The following CHRDL2 variants were observed in gnomAD, a reference collection of about 807,000 sequenced individuals.
CHRDL2 encodes the protein chordin like 2.
In CHRDL2, 41 loss-of-function variants were observed where a neutral mutation model predicts 54.3. The observed-to-expected ratio is 0.76, with a 90% CI of 0.59 to 0.98. CHRDL2 has a LOEUF of 0.98. Ranked by LOEUF, CHRDL2 falls within the 50% of genes least tolerant of loss-of-function variation. The pLI is 0.00. For synonymous variants in CHRDL2, 220 were observed against 224.3 expected (o/e 0.98, Z 0.17); for missense variants, 518 against 562.4 (o/e 0.92, Z 0.80).
rs564184604 is a variant in CHRDL2 at position 74,701,800 on chromosome 11, CCACCCCG to C, written c.1120+987_1120+993del. 9.9e-5 allele frequency among the ~76,000 whole-genome samples: 15 copies of C among 152,258 alleles called. No homozygotes were observed. The East Asian group carries it at 2.3e-3, about 23-fold the overall frequency. ...CTTATCATCATTCCCTCTTCCACCC[CCACCCCG>C]CCAGCCAAAACCATCAGTAGAGGAA... On this transcript the variant is annotated intron_variant, in intron 9 of 10. Coordinates refer to ENST00000376332, the MANE Select transcript of CHRDL2 (RefSeq NM_001278473.3).
At chr11:74,720,919 T>G (rs1451507651) in intron 1 of CHRDL2, among the ~76,000 whole-genome samples, 1 of 152,194 alleles carries the variant, frequency 6.6e-6, no homozygotes, top group Non-Finnish European at 1.5e-5. Context: ...TCTGCCCTCT[T>G]GGGCCTCCTA....
At chr11:74,725,254 G>T (rs138574459) in intron 1 of CHRDL2, among the ~76,000 whole-genome samples, 1 of 152,028 alleles carries the variant, frequency 6.6e-6, no homozygotes, top group Admixed American at 6.5e-5. Flanking sequence ...GCCTCCCAAA[G>T]GGCTGGGATT....
In CHRDL2 at chr11:74,708,339, G is replaced by A; in HGVS notation, c.489C>T (p.Pro163=). 2 of 1,581,538 alleles carry A rather than the reference G, an allele frequency of 1.3e-6. No individual in the cohort carries two copies. The highest frequency in any genetic ancestry group is 8.6e-7 in the Non-Finnish European group (1 of 1,167,804). The change falls in exon 5 of 11, where the codon CCC becomes CCT. Residue 163 remains proline (P), a synonymous_variant. Coordinates refer to ENST00000376332, the MANE Select transcript of CHRDL2 (RefSeq NM_001278473.3). ...TTCPEPGCPA[P]LPLPDSCCQA... is the part of the protein sequence containing the mutation. Reference sequence around the variant, plus strand: ...GGCAGCAGGAGTCTGGCAGCGGGAGGGGTGCTGGGCAGCCTGGTTCGGGGC... The same window carrying A: ...GGCAGCAGGAGTCTGGCAGCGGGAGAGGTGCTGGGCAGCCTGGTTCGGGGC...
chr11:74,702,156 T>C (rs1346841807), intron 9 of CHRDL2, among the ~76,000 whole-genome samples: 1 of 151,516 alleles, frequency 6.6e-6, no homozygotes, highest in Non-Finnish European at 1.5e-5. Flanking sequence ...CTCAGGAGGC[T>C]GAGATGGGAG....
In CHRDL2 at chr11:74,706,507, C is replaced by T; in HGVS notation, c.562G>A (p.Val188Met). 6.2e-7 allele frequency: 1 copy of T among 1,614,128 alleles called. No individual in the cohort carries two copies. Among genetic ancestry groups the T allele is most frequent in the Non-Finnish European group, 8.5e-7 (1 of 1,179,990 alleles). The change falls in exon 6 of 11, where the codon GTG becomes ATG. Residue 188 changes from valine to methionine, a missense_variant. Transcript: ENST00000376332. Reference sequence around the variant, plus strand: ...CTCACCACCCCATGGAGCGACTGCACACTGTCCTCTTCATCCGATTGCTCA... The same window carrying T: ...CTCACCACCCCATGGAGCGACTGCATACTGTCCTCTTCATCCGATTGCTCA... The part of the protein sequence containing the change: ...ASEQSDEEDS[V>M]QSLHGVRHPQ...
At chr11:74,715,955 G>A (rs1324748655) in intron 2 of CHRDL2, among the ~76,000 whole-genome samples, 1 of 152,052 alleles carries the variant, frequency 6.6e-6, no homozygotes, top group Non-Finnish European at 1.5e-5. Context: ...TACAGCCTGG[G>A]TGACAGAGCG....
rs564082329 is a variant in CHRDL2 at position 74,720,987 on chromosome 11, G to A, written c.83-2155C>T. Among the ~76,000 whole-genome samples the A allele has an allele frequency of 2.0e-5, 3 of 152,326 alleles. No homozygotes were observed. In the East Asian group the frequency reaches 5.8e-4, roughly 29 times the overall value. On this transcript the variant is annotated intron_variant, in intron 1 of 10. Coordinates refer to ENST00000376332, the MANE Select transcript of CHRDL2 (RefSeq NM_001278473.3). ...TTCAGTCTGTGCTTCGAGGGTCGCT[G>A]AGAGTAGGAACACATGGCTTAGTTC...
rs565647301 is a variant in CHRDL2 at position 74,702,986 on chromosome 11, C to T, written c.947-19G>A. On this transcript the variant is annotated intron_variant, in intron 8 of 10. Transcript: ENST00000376332. ...TTGTCCTCTGGAGAGACAAGAAGCT[C>T]ATGAAGTGTTCAATAAACGTTGGCT... The T allele has an allele frequency of 6.9e-6, 11 of 1,585,874 alleles. No homozygotes were observed. The South Asian group carries it at 1.2e-4, about 17-fold the overall frequency.
At chr11:74,719,505 G>A (rs1338053564) in intron 1 of CHRDL2, among the ~76,000 whole-genome samples, 1 of 151,732 alleles carries the variant, frequency 6.6e-6, no homozygotes, top group Non-Finnish European at 1.5e-5. Context: ...CCTGTGTAGA[G>A]GAGGATTGGC....
chr11:74,726,608 C>G (rs1022586959), intron 1 of CHRDL2, among the ~76,000 whole-genome samples: 1 of 152,160 alleles, frequency 6.6e-6, no homozygotes, highest in Non-Finnish European at 1.5e-5. Context: ...ATTCAAGGTC[C>G]CTCTCCCAGA....
chr11:74,717,233 A>AG (rs1488214380), intron 2 of CHRDL2, among the ~76,000 whole-genome samples: 1 of 152,180 alleles, frequency 6.6e-6, no homozygotes, highest in African/African-American at 2.4e-5. Context: ...GGCTTGGATT[A>AG]GGGGGAGCAG....
At chr11:74,726,819 GC>G (rs2034579076) in intron 1 of CHRDL2, among the ~76,000 whole-genome samples, 1 of 152,138 alleles carries the variant, frequency 6.6e-6, no homozygotes, top group African/African-American at 2.4e-5. Context: ...TCAGCCTGGA[GC>G]CGGACTTCAG....
At chr11:74,707,518 G>A (rs1346696248) in intron 5 of CHRDL2, among the ~76,000 whole-genome samples, 6 of 152,188 alleles carry the variant, frequency 3.9e-5, no homozygotes, top group Admixed American at 2.0e-4. Flanking sequence ...CCTGGGTTCT[G>A]TATAAAAGAC....
intron 3 of CHRDL2, 40 bp from the exon 4 acceptor site, chr11:74,711,031 T>A: frequency 6.3e-7 from 1 of 1,583,390 alleles, no homozygotes; most frequent in Non-Finnish European, 8.6e-7. Context: ...GAAAATGAGG[T>A]TTCATGTGAA....
intron 6 of CHRDL2, 32 bp downstream of exon 6, chr11:74,706,455 C>T: frequency 6.2e-7 from 1 of 1,611,108 alleles, no homozygotes. Flanking sequence ...AGCCCCCTGT[C>T]CCGCACCCCG....
Position 74,713,479 on chromosome 11 carries a change from C to A in CHRDL2, c.196G>T (p.Gly66Cys), listed in dbSNP as rs761628205. 30 of 1,613,688 alleles carry A rather than the reference C, an allele frequency of 1.9e-5. No individual in the cohort carries two copies. In the South Asian group the frequency reaches 2.4e-4, roughly 13 times the overall value. The change falls in exon 3 of 11, where the codon GGC (glycine) becomes TGC (cysteine). Residue 66 changes from glycine (G) to cysteine (C), a missense_variant and splice_region_variant. By Grantham distance (159) the Gly-to-Cys change is radical. Transcript: ENST00000376332. Reference sequence around the variant, plus strand: ...AGGCGGTAACAACTCACATGGGCGCCCTGAAGGGGACACAAGGGTCAGCCC... The same window carrying A: ...AGGCGGTAACAACTCACATGGGCGCACTGAAGGGGACACAAGGGTCAGCCC... ...MYCLRCTCSE[G>C]AHVSCYRLHC... is the part of the protein sequence containing the mutation.
intron 1 of CHRDL2, chr11:74,719,142 G>A (rs1034069490): frequency 1.6e-5 from 4 of 249,100 alleles, no homozygotes; most frequent in South Asian, 7.7e-5. Context: ...TGGTATCAGC[G>A]TTAATTATTA....
Position 74,702,804 on chromosome 11 carries a change from CT to C in CHRDL2, c.1109del (p.Lys370SerfsTer3). 2 of 1,614,090 alleles carry C rather than the reference CT, an allele frequency of 1.2e-6. No homozygotes were observed. The highest frequency in any genetic ancestry group is 1.7e-6 in the Non-Finnish European group (2 of 1,180,006). On this transcript the variant is annotated frameshift_variant, in exon 9 of 11. Transcript: ENST00000376332. LOFTEE classifies it high-confidence loss of function. ...TGGGCCAGCACTCACCTTTTACCAG[CT>C]TCCAGAGGTAGATCTCCACCAAGTC... ...ASDLVEIYLW[K>X]LVKGIFHLTQ...
intron 9 of CHRDL2, among the ~76,000 whole-genome samples, chr11:74,702,209 A>G (rs555181909): frequency 6.6e-6 from 1 of 151,940 alleles, no homozygotes; most frequent in East Asian, 1.9e-4. Flanking sequence ...TGGAGCCGAG[A>G]TCATGCCACT....
Sources: allele counts gnomAD v4.1 joint callset (sites outside exome capture counted in the v4.1 genomes callset), GRCh38; gene constraint gnomAD v4.1.1; transcripts MANE v1.5; gene names NCBI Gene and HGNC (gene_info 2026-07-23, HGNC 2026-07-21).